The following ACVR1 variants were observed in gnomAD, a reference collection of about 807,000 sequenced individuals.
ACVR1 encodes the protein activin receptor type-1.
ACVR1 carries 38 observed loss-of-function variants against 57.1 expected under a neutral mutation model. The ratio of observed to expected loss-of-function variants is 0.67; its 90% CI spans 0.51 to 0.87. ACVR1 has a LOEUF of 0.87. ACVR1 is among the 40% of genes least tolerant of loss of function. The pLI is 0.00. For synonymous variants in ACVR1, 212 were observed against 228.1 expected, an observed-to-expected ratio of 0.93 and a Z score of 0.63; for missense variants, 463 against 638.2, an observed-to-expected ratio of 0.73 and a Z score of 2.96.
chr2:157,860,938 T>C (rs981710711), intron 1 of ACVR1, among the ~76,000 whole-genome samples: 3 of 152,194 alleles, frequency 2.0e-5, no homozygotes, highest in Non-Finnish European at 4.4e-5. Flanking sequence ...AGACTCTGTG[T>C]TTCTATTGAT....
chr2:157,779,275 TC>T (rs1686414166), intron 4 of ACVR1, among the ~76,000 whole-genome samples: 2 of 152,254 alleles, frequency 1.3e-5, no homozygotes, highest in Admixed American at 6.5e-5. Flanking sequence ...TTTATGTCCA[TC>T]CACCCAATTA....
intron 3 of ACVR1, among the ~76,000 whole-genome samples, chr2:157,781,079 G>A (rs141257238): frequency 3.5e-4 from 53 of 152,164 alleles, no homozygotes; most frequent in African/African-American, 1.1e-3. Context: ...CCATCAACTC[G>A]TAAAACAAGG....
At chr2:157,839,202 CAGTAACCTG>C (rs1688891821) in intron 1 of ACVR1, among the ~76,000 whole-genome samples, 1 of 152,200 alleles carries the variant, frequency 6.6e-6, no homozygotes, top group African/African-American at 2.4e-5. Flanking sequence ...ATGACAGTCT[CAGTAACCTG>C]ATCCTCTCAC....
intron 1 of ACVR1, among the ~76,000 whole-genome samples, chr2:157,856,218 T>C (rs570970183): frequency 2.6e-5 from 4 of 152,272 alleles, no homozygotes; most frequent in African/African-American, 9.6e-5. Context: ...CACTAAGATA[T>C]CATCAGCTCT....
At chr2:157,848,836 AAG>A in intron 1 of ACVR1, among the ~76,000 whole-genome samples, 1 of 152,186 alleles carries the variant, frequency 6.6e-6, no homozygotes, top group Admixed American at 6.5e-5. Flanking sequence ...TTGGATTAGA[AAG>A]ATGATTATTA....
At chr2:157,808,128 C>G (rs1220301163) in intron 2 of ACVR1, among the ~76,000 whole-genome samples, 5 of 152,136 alleles carry the variant, frequency 3.3e-5, no homozygotes, top group African/African-American at 1.2e-4. Flanking sequence ...TAGCACTTAA[C>G]AACTAGGTGA....
chr2:157,740,794 T>C (rs1331266350), intron 9 of ACVR1, among the ~76,000 whole-genome samples: 1 of 152,226 alleles, frequency 6.6e-6, no homozygotes, highest in Non-Finnish European at 1.5e-5. Flanking sequence ...GTTTCCCATG[T>C]TTCAATTTTA....
At position 157,845,801 on chromosome 2, in the gene ACVR1, G is replaced by C. The variant is rs145691374; in HGVS notation, c.-182-27242C>G. 4.6e-5 allele frequency among the ~76,000 whole-genome samples: 7 copies of C among 152,322 alleles called. No individual in the cohort carries two copies. In the East Asian group the frequency reaches 1.2e-3, roughly 25 times the overall value. On this transcript the variant is annotated intron_variant, in intron 1 of 10. Transcript: ENST00000434821. ...TTGAAATGTGACTTGGGGTTCAATAGCCATCTGAATGTCAGTCTAGGCCCT... is the reference window on the plus strand; with the variant it reads ...TTGAAATGTGACTTGGGGTTCAATACCCATCTGAATGTCAGTCTAGGCCCT...
chr2:157,815,332 C>A (rs1687894540), intron 2 of ACVR1, among the ~76,000 whole-genome samples: 2 of 151,996 alleles, frequency 1.3e-5, no homozygotes, highest in Admixed American at 6.6e-5. Context: ...ACTTGGGAGA[C>A]AGAAAAGGGA....
intron 3 of ACVR1, among the ~76,000 whole-genome samples, chr2:157,797,555 C>T (rs1400930572): frequency 6.6e-6 from 1 of 152,142 alleles, no homozygotes; most frequent in African/African-American, 2.4e-5. Context: ...TATATAACAA[C>T]ATGTTAAAAG....
intron 3 of ACVR1, among the ~76,000 whole-genome samples, chr2:157,789,081 T>C (rs1686817485): frequency 6.6e-6 from 1 of 152,194 alleles, no homozygotes. Context: ...TTTAACATAT[T>C]GAACAAGATT....
At chr2:157,796,300 T>G (rs537019236) in intron 3 of ACVR1, among the ~76,000 whole-genome samples, 1 of 151,496 alleles carries the variant, frequency 6.6e-6, no homozygotes, top group South Asian at 2.1e-4. Flanking sequence ...GCCTATAATC[T>G]CAGCACTTTG....
intron 9 of ACVR1, among the ~76,000 whole-genome samples, chr2:157,741,869 GAA>G (rs1172270722): frequency 6.6e-6 from 1 of 152,114 alleles, no homozygotes; most frequent in Non-Finnish European, 1.5e-5. Flanking sequence ...TTCCAGGAGG[GAA>G]GTGGGGCATG....
chr2:157,802,717 T>A (rs143886034), intron 2 of ACVR1, among the ~76,000 whole-genome samples: 5 of 152,192 alleles, frequency 3.3e-5, no homozygotes, highest in Admixed American at 2.6e-4. Flanking sequence ...CTCATTCTCA[T>A]AGATCACTTT....
At chr2:157,769,630 C>T (rs1199718165) in intron 7 of ACVR1, among the ~76,000 whole-genome samples, 2 of 152,182 alleles carry the variant, frequency 1.3e-5, no homozygotes, top group East Asian at 3.8e-4. Flanking sequence ...CAGACCTAAT[C>T]CAATAGCCAT....
intron 2 of ACVR1, among the ~76,000 whole-genome samples, chr2:157,816,954 T>C (rs1687960662): frequency 6.6e-6 from 1 of 152,094 alleles, no homozygotes; most frequent in Admixed American, 6.5e-5. Flanking sequence ...TCATCCTGGA[T>C]AGCGAGACAT....
At chr2:157,791,521 C>A (rs1192386863) in intron 3 of ACVR1, among the ~76,000 whole-genome samples, 1 of 152,194 alleles carries the variant, frequency 6.6e-6, no homozygotes, top group African/African-American at 2.4e-5. Flanking sequence ...ACATTCTGGC[C>A]TCTCACGCTC....
At chr2:157,747,407 C>G (rs1685013095) in intron 9 of ACVR1, among the ~76,000 whole-genome samples, 1 of 151,930 alleles carries the variant, frequency 6.6e-6, no homozygotes, top group Non-Finnish European at 1.5e-5. Context: ...CTACAATAGG[C>G]CCCAAATGGT....
intron 9 of ACVR1, among the ~76,000 whole-genome samples, chr2:157,758,220 G>A (rs1208209291): frequency 6.6e-6 from 1 of 151,880 alleles, no homozygotes; most frequent in East Asian, 1.9e-4. Flanking sequence ...GCCAAAAACT[G>A]TAAAAAGAGA....
Sources: gnomAD v4.1 joint callset for allele counts (sites outside exome capture counted in the v4.1 genomes callset) on GRCh38, gnomAD v4.1.1 for gene constraint, MANE v1.5 for transcripts, NCBI Gene and HGNC (gene_info 2026-07-23, HGNC 2026-07-21) for gene names.